Variants in ZNF273 observed in about 807,000 individuals in gnomAD.
The protein encoded by ZNF273 is zinc finger protein 273, also known as zinc finger protein 9.
A neutral mutation model predicts 14.9 loss-of-function variants in ZNF273; 11 were observed. The ratio of observed to expected loss-of-function variants is 0.74; its 90% CI spans 0.46 to 1.22. The LOEUF (loss-of-function observed/expected upper bound fraction) is 1.22, where lower values mean the gene tolerates loss of function less well. Among genes scored for constraint, ZNF273 ranks in the 50% most tolerant of loss-of-function variants. The probability of loss-of-function intolerance (pLI) is 0.00; values close to 1 mark genes in which losing one functional copy is unlikely to be tolerated. For synonymous variants in ZNF273, 199 were observed against 223.9 expected (o/e 0.89, Z 0.99); for missense variants, 577 against 660.6 (o/e 0.87, Z 1.39).
chr7:64,889,134 T>A, downstream of ZNF273: 2 of 985,938 alleles, frequency 2.0e-6, no homozygotes, highest in Non-Finnish European at 2.4e-6. This position sits in a 1 kb window ranked among gnomAD's most constrained non-coding sequence, Gnocchi z 4.2. Flanking sequence ...CCGGGCCTCG[T>A]TGCGGAGGGG....
At chr7:64,933,420 T>A (rs1278210822), downstream of ZNF273, 1 of 152,186 alleles carries the variant, frequency 6.6e-6, no homozygotes, top group Non-Finnish European at 1.5e-5. Context: ...ACGTTTTCTA[T>A]TTTTTTGCAT....
At chr7:64,901,152 G>T (rs913004932), upstream of ZNF273, among the ~76,000 whole-genome samples, 7 of 151,910 alleles carry the variant, frequency 4.6e-5, no homozygotes, top group Non-Finnish European at 1.0e-4. Context: ...ACAAGCGCAC[G>T]CCATCACACC....
At chr7:64,884,062 A>G (rs1305331429), downstream of ZNF273, among the ~76,000 whole-genome samples, 2 of 152,192 alleles carry the variant, frequency 1.3e-5, no homozygotes, top group East Asian at 3.9e-4. Context: ...GCTTTTGCCT[A>G]ATATTCTAGG....
intron 1 of ZNF273, among the ~76,000 whole-genome samples, chr7:64,887,778 A>G (rs1015908580): frequency 6.7e-6 from 1 of 149,678 alleles, no homozygotes; most frequent in Non-Finnish European, 1.5e-5. Context: ...GATTACAAGC[A>G]TGAGCCACCG....
chr7:64,892,330 G>A (rs2129044639), downstream of ZNF273, among the ~76,000 whole-genome samples: 1 of 152,314 alleles, frequency 6.6e-6, no homozygotes, highest in African/African-American at 2.4e-5. Flanking sequence ...GATTAAATGA[G>A]TTATTATGTA....
chr7:64,901,977 A>G (rs1792748079), upstream of ZNF273, among the ~76,000 whole-genome samples: 2 of 151,010 alleles, frequency 1.3e-5, no homozygotes, highest in Admixed American at 6.6e-5. Context: ...TCCTAGCACT[A>G]CTTTGGGAGG....
At chr7:64,934,792 T>C (rs1235593619), downstream of ZNF273, among the ~76,000 whole-genome samples, 3 of 152,160 alleles carry the variant, frequency 2.0e-5, no homozygotes, top group African/African-American at 7.2e-5. Flanking sequence ...ACAGGATCTT[T>C]TGTGGGGTAT....
At chr7:64,917,492 C>G in intron 1 of ZNF273, 89 bp from the exon 2 acceptor site, 1 of 1,533,480 alleles carries the variant, frequency 6.5e-7, no homozygotes, top group Non-Finnish European at 8.8e-7. Context: ...AACCAGTTCT[C>G]TTTACTTTCG....
chr7:64,886,015 T>C (rs560654950), intron 1 of ZNF273, among the ~76,000 whole-genome samples: 63 of 148,418 alleles, frequency 4.2e-4, no homozygotes, highest in Non-Finnish European at 7.1e-4. Flanking sequence ...GGGAGACTGA[T>C]ACCAGAAAGG....
At chr7:64,904,614 C>G (rs1221549744) in intron 1 of ZNF273, among the ~76,000 whole-genome samples, 1 of 152,148 alleles carries the variant, frequency 6.6e-6, no homozygotes, top group East Asian at 1.9e-4. Context: ...TTCTGACATT[C>G]CGAAATGCCA....
chr7:64,923,382 C>T (rs1048126721), intron 3 of ZNF273: 12 of 454,664 alleles, frequency 2.6e-5, no homozygotes, highest in Admixed American at 1.4e-4. Flanking sequence ...ATTCTTTCAC[C>T]CAGGTTGGAG....
chr7:64,886,013 G>A (rs1791553844), intron 1 of ZNF273, among the ~76,000 whole-genome samples: 5 of 152,238 alleles, frequency 3.3e-5, no homozygotes, highest in African/African-American at 1.2e-4. Context: ...CAGGGAGACT[G>A]ATACCAGAAA....
intron 1 of ZNF273, among the ~76,000 whole-genome samples, chr7:64,910,028 T>G (rs1793380572): frequency 6.6e-6 from 1 of 152,122 alleles, no homozygotes; most frequent in Non-Finnish European, 1.5e-5. Flanking sequence ...CTAGTTTTTT[T>G]TTTCTGGCAA....
chr7:64,921,637 T>TTTTTTTTTTTG (rs750737426), intron 3 of ZNF273, among the ~76,000 whole-genome samples: 15 of 29,578 alleles, frequency 5.1e-4, no homozygotes, highest in African/African-American at 2.3e-3. Context: ...TTTTTTTTTT[T>TTTTTTTTTTTG]GTGTGTGAGA....
chr7:64,893,568 A>G (rs112591550), downstream of ZNF273: 8 of 152,254 alleles, frequency 5.3e-5, no homozygotes, highest in South Asian at 2.1e-4. Context: ...TGAACATGTC[A>G]TGCAGTCTCC....
At chr7:64,901,806 C>T (rs1051586384), upstream of ZNF273, among the ~76,000 whole-genome samples, 3 of 151,456 alleles carry the variant, frequency 2.0e-5, no homozygotes, top group Admixed American at 1.3e-4. Flanking sequence ...CAAAATTAGC[C>T]GGGCACGATG....
Position 64,929,103 on chromosome 7 carries a change from A to T in ZNF273, c.*65A>T. On this transcript the variant is annotated 3_prime_UTR_variant, in exon 4 of 4. Transcript: ENST00000476120. ...CACTTGATTGTATATAAGATAATTC[A>T]TACTGGAGAAAACTCCCAGAAGTGG... is the stretch of plus-strand genomic sequence containing the variant. 1 of 1,471,972 alleles carries T rather than the reference A, an allele frequency of 6.8e-7. No individual in the cohort carries two copies. The allele number at this position is 1,471,972 out of a possible 1,614,324, so 91.2% of individuals were successfully genotyped here.
intron 1 of ZNF273, chr7:64,878,009 T>G (rs1791160632): frequency 6.6e-6 from 1 of 152,190 alleles, no homozygotes; most frequent in South Asian, 2.0e-4. Flanking sequence ...TGTCTGCGTG[T>G]GTGTGTGTGT....
At chr7:64,890,347 A>G (rs1791931216), downstream of ZNF273, among the ~76,000 whole-genome samples, 1 of 152,078 alleles carries the variant, frequency 6.6e-6, no homozygotes, top group African/African-American at 2.4e-5. Flanking sequence ...CTGGATCACA[A>G]CAAATCCTTG....
Sources: gnomAD v4.1 joint callset for allele counts (sites outside exome capture counted in the v4.1 genomes callset) on GRCh38, gnomAD v4.1.1 for gene constraint, Gnocchi (gnomAD v3.1) non-coding constraint, MANE v1.5 for transcripts, NCBI Gene and HGNC (gene_info 2026-07-23, HGNC 2026-07-21) for gene names.